LTBP1: variants seen among roughly 807,000 people sequenced by gnomAD.
LTBP1 encodes latent transforming growth factor beta binding protein 1.
Under a neutral mutation model 207.6 loss-of-function variants are expected in LTBP1, and 129 were observed. The observed-to-expected ratio is 0.62, with a 90% confidence interval of 0.54 to 0.72. The LOEUF (loss-of-function observed/expected upper bound fraction) is 0.72. Among genes scored for constraint, LTBP1 ranks in the 30% least tolerant of loss-of-function variants. The probability of loss-of-function intolerance (pLI) is 0.00; values close to 1 mark genes in which losing one functional copy is unlikely to be tolerated. For missense variants in LTBP1, 2,281 were observed against 2,217.2 expected (o/e 1.03, Z -0.58); for synonymous variants, 963 against 833.7 (o/e 1.16, Z -2.67).
chr2:33,175,993 T>C (rs1489754892), intron 5 of LTBP1, among the ~76,000 whole-genome samples: 1 of 63,112 alleles, frequency 1.6e-5, no homozygotes, highest in Non-Finnish European at 2.8e-5. Context: ...CATCACACTC[T>C]GGGGACTGTT....
At chr2:33,150,635 GACTT>G (rs147753261) in intron 5 of LTBP1, among the ~76,000 whole-genome samples, 2,308 of 149,574 alleles carry the variant, frequency 0.015, 23 homozygotes, top group East Asian at 0.027. Flanking sequence ...GTATTTTAGA[GACTT>G]ACTATTTGTC....
chr2:33,314,157 T>TA (rs2094228571), intron 23 of LTBP1, among the ~76,000 whole-genome samples: 1 of 152,204 alleles, frequency 6.6e-6, no homozygotes, highest in South Asian at 2.1e-4. Flanking sequence ...ATAGTAGTTA[T>TA]TGCTTTTTGA....
chr2:33,352,814 A>G (rs1173544802), intron 26 of LTBP1, among the ~76,000 whole-genome samples: 1 of 152,166 alleles, frequency 6.6e-6, no homozygotes, highest in African/African-American at 2.4e-5. Flanking sequence ...TCTGTAATGT[A>G]AATGGATTGT....
chr2:32,973,830 A>G (rs1245757956), intron 2 of LTBP1, among the ~76,000 whole-genome samples: 2 of 152,158 alleles, frequency 1.3e-5, no homozygotes, highest in Non-Finnish European at 2.9e-5. Context: ...ACCACAAATA[A>G]CTGAGAACAT....
intron 32 of LTBP1, among the ~76,000 whole-genome samples, chr2:33,396,663 C>T (rs2095360989): frequency 6.6e-6 from 1 of 152,190 alleles, no homozygotes; most frequent in South Asian, 2.1e-4. Flanking sequence ...GCAGAGCCAG[C>T]CTGCTTCTCT....
intron 3 of LTBP1, among the ~76,000 whole-genome samples, chr2:33,106,985 C>G (rs2080100765): frequency 6.6e-6 from 1 of 152,194 alleles, no homozygotes. Context: ...GTATTCCGAA[C>G]CTTTGTGTGG....
At chr2:33,138,848 C>CTT (rs71409603) in intron 5 of LTBP1, among the ~76,000 whole-genome samples, 3,272 of 77,640 alleles carry the variant, frequency 0.042, 639 homozygotes, top group Non-Finnish European at 0.049. Flanking sequence ...AGTATGTTCT[C>CTT]TTTTTTTTTT....
At position 33,301,565 on chromosome 2, in the gene LTBP1, G is replaced by A. The variant is rs767184387; in HGVS notation, c.3402G>A (p.Gln1134=). ...CQHRHLCAHG[Q]CRNTEGSFQC... ...ACCGTCATCTCTGTGCTCATGGGCA[G>A]TGCAGGAACACTGAGGGCTCTTTTC... Residue 1134 remains glutamine, a synonymous_variant, in exon 22 of 34, where the codon CAG becomes CAA. Transcript: ENST00000404816. 2 of 1,612,768 alleles carry A rather than the reference G, an allele frequency of 1.2e-6. No individual in the cohort carries two copies. Among genetic ancestry groups the A allele is most frequent in the Non-Finnish European group, 8.5e-7 (1 of 1,179,444 alleles).
chr2:33,328,850 CAT>C (rs1219800306), intron 24 of LTBP1, among the ~76,000 whole-genome samples: 5 of 152,174 alleles, frequency 3.3e-5, no homozygotes, highest in African/African-American at 1.2e-4. Context: ...TCTGTCTTGT[CAT>C]GTGTAGTAGT....
intron 3 of LTBP1, among the ~76,000 whole-genome samples, chr2:33,078,807 G>C (rs2078221034): frequency 6.6e-6 from 1 of 151,306 alleles, no homozygotes; most frequent in Non-Finnish European, 1.5e-5. Flanking sequence ...GTGTTATTGG[G>C]ATAGAATAAT....
At chr2:33,055,238 G>T (rs1217948347) in intron 3 of LTBP1, among the ~76,000 whole-genome samples, 1 of 152,110 alleles carries the variant, frequency 6.6e-6, no homozygotes, top group East Asian at 1.9e-4. Flanking sequence ...TGGCTGATTG[G>T]GTATTAAACT....
intron 7 of LTBP1, among the ~76,000 whole-genome samples, chr2:33,216,075 G>A (rs894475351): frequency 4.6e-5 from 7 of 152,170 alleles, no homozygotes; most frequent in Non-Finnish European, 1.0e-4. Context: ...TTGTTCCTTA[G>A]TTCCCTAGGT....
chr2:33,337,347 G>A (rs1346747077), intron 24 of LTBP1, among the ~76,000 whole-genome samples: 2 of 152,152 alleles, frequency 1.3e-5, no homozygotes, highest in Non-Finnish European at 2.9e-5. Flanking sequence ...GGATCTATTA[G>A]TCATTGACAA....
intron 24 of LTBP1, among the ~76,000 whole-genome samples, chr2:33,326,496 AT>A (rs1233652014): frequency 6.9e-6 from 1 of 145,856 alleles, no homozygotes; most frequent in East Asian, 2.0e-4. Flanking sequence ...CTTTTATTGG[AT>A]TAAAAAAAAA....
At position 32,994,431 on chromosome 2, in the gene LTBP1, A is replaced by T. The variant is rs80093685; in HGVS notation, c.566-26478A>T. Among the ~76,000 whole-genome samples, 424 of 152,200 alleles carry T rather than the reference A, an allele frequency of 2.8e-3. 9 individuals are homozygous for T. The East Asian group carries it at 0.056, about 20-fold the overall frequency. On this transcript the variant is annotated intron_variant, in intron 2 of 33. Coordinates refer to ENST00000404816, the MANE Select transcript of LTBP1 (RefSeq NM_206943.4). Reference sequence around the variant, plus strand: ...TAGAACCAAGATTATACCATCTGTTAACCTCAGAGTCTGCACGCTTATCTA... The same window carrying T: ...TAGAACCAAGATTATACCATCTGTTTACCTCAGAGTCTGCACGCTTATCTA...
intron 31 of LTBP1, among the ~76,000 whole-genome samples, chr2:33,377,870 G>A (rs2095161074): frequency 6.6e-6 from 1 of 152,130 alleles, no homozygotes; most frequent in Non-Finnish European, 1.5e-5. Context: ...GCGAGGAAGT[G>A]CCACACTTGA....
At position 33,397,199 on chromosome 2, in the gene LTBP1, G is replaced by T; in HGVS notation, c.4901G>T (p.Gly1634Val). ...ECGILNGCENGRCVRVQEGYT... is the reference protein window; with the variant it reads ...ECGILNGCENVRCVRVQEGYT... ...GGCATCCTCAATGGATGTGAAAATG[G>T]TCGCTGTGTGAGGGTCCAGGAAGGT... Residue 1634 changes from glycine to valine, a missense_variant, in exon 33 of 34, where the codon GGT (glycine) becomes GTT (valine). Gly to Val is a moderately radical substitution (Grantham distance 109, BLOSUM62 -3). Transcript: ENST00000404816. 6.2e-7 allele frequency: 1 copy of T among 1,614,168 alleles called. No individual in the cohort carries two copies. Among genetic ancestry groups the T allele is most frequent in the African/African-American group, 1.3e-5 (1 of 75,044 alleles).
At chr2:33,217,324 A>G (rs1398177216) in intron 7 of LTBP1, among the ~76,000 whole-genome samples, 3 of 152,216 alleles carry the variant, frequency 2.0e-5, no homozygotes, top group African/African-American at 7.2e-5. Context: ...ATTTTCTTAG[A>G]CTAGAAAAAC....
intron 2 of LTBP1, among the ~76,000 whole-genome samples, chr2:33,008,529 T>A (rs1687239522): frequency 6.6e-6 from 1 of 152,206 alleles, no homozygotes; most frequent in African/African-American, 2.4e-5. Flanking sequence ...ATTTCACCAC[T>A]TATAGGTAGA....
Sources: allele counts gnomAD v4.1 joint callset (sites outside exome capture counted in the v4.1 genomes callset), GRCh38; gene constraint gnomAD v4.1.1; transcripts MANE v1.5; gene names NCBI Gene and HGNC (gene_info 2026-07-23, HGNC 2026-07-21).